Variants in SIDT2 observed in about 807,000 individuals in gnomAD.
The protein encoded by SIDT2 is SID1 transmembrane family member 2.
SIDT2 carries 68 observed loss-of-function variants against 114.4 expected under a neutral mutation model. That is an observed-to-expected ratio of 0.59 (90% confidence interval 0.49 to 0.73). SIDT2 has a LOEUF of 0.73. SIDT2 is among the 30% of genes least tolerant of loss of function. SIDT2 has a pLI of 0.00. For synonymous variants in SIDT2, 470 were observed against 438.4 expected, an observed-to-expected ratio of 1.07 and a Z score of -0.90; for missense variants, 918 against 1,097.1, an observed-to-expected ratio of 0.84 and a Z score of 2.31.
intron 24 of SIDT2, among the ~76,000 whole-genome samples, chr11:117,195,359 G>T (rs2134262882): frequency 1.3e-5 from 2 of 152,276 alleles, no homozygotes; most frequent in East Asian, 3.9e-4. Flanking sequence ...AGTGCCACAG[G>T]TTATGGCTAC....
At chr11:117,182,909 C>A in intron 6 of SIDT2, 103 bp downstream of exon 6, 2 of 1,278,240 alleles carry the variant, frequency 1.6e-6, no homozygotes, top group Non-Finnish European at 2.2e-6. Context: ...ATCCTACACA[C>A]GACTGAGTCT....
Position 117,191,988 on chromosome 11 carries a change from GTCA to G in SIDT2, c.1849_1851del (p.Ile617del). The stretch of plus-strand genomic sequence containing the variant: ...CAGTGCCTACGCCTGCCTGGCCATT[GTCA>G]TCTTCTTCTCTGTGCTGGGCGTGGT... On this transcript the variant is annotated inframe_deletion, in exon 19 of 26. Transcript: ENST00000324225. 6.2e-7 allele frequency: 1 copy of G among 1,614,150 alleles called. No homozygotes were observed. The highest frequency in any genetic ancestry group is 8.5e-7 in the Non-Finnish European group (1 of 1,180,028).
At chr11:117,187,292 C>A in intron 10 of SIDT2, 86 bp from the exon 11 acceptor site, 1 of 1,349,002 alleles carries the variant, frequency 7.4e-7, no homozygotes, top group African/African-American at 1.4e-5. Context: ...CTGTGGCTGT[C>A]TTCTCTGGAC....
At chr11:117,189,693 C>T in intron 15 of SIDT2, 2 of 598,964 alleles carry the variant, frequency 3.3e-6, no homozygotes, top group Admixed American at 3.0e-5. Context: ...TTTCCCTTCC[C>T]TTTTCTCTGT....
chr11:117,183,720 T>C (rs980636015), intron 6 of SIDT2, 59 bp from the exon 7 acceptor site: 20 of 1,191,368 alleles, frequency 1.7e-5, no homozygotes, highest in Non-Finnish European at 2.4e-5. Context: ...AGAACAAGTA[T>C]TTAGAAAAGA....
intron 24 of SIDT2, chr11:117,194,262 A>G (rs1056727595): frequency 1.4e-5 from 4 of 277,414 alleles, no homozygotes; most frequent in Non-Finnish European, 2.7e-5. Context: ...GCAGTGAGCC[A>G]AGATTGCACC....
chr11:117,184,242 G>C, intron 8 of SIDT2, 103 bp downstream of exon 8: 2 of 1,159,524 alleles, frequency 1.7e-6, no homozygotes, highest in East Asian at 2.5e-5. Context: ...TGAGGATGCA[G>C]ATATGCTGGT....
At position 117,181,727 on chromosome 11, in the gene SIDT2, C is replaced by T. The variant is rs964611852; in HGVS notation, c.306-80C>T. ...GGGAGGTGGTGGAGACCAGACGGGGCGAGGTGGGGCCTCGCTCCTCTGGAG... is the reference window on the plus strand; with the variant it reads ...GGGAGGTGGTGGAGACCAGACGGGGTGAGGTGGGGCCTCGCTCCTCTGGAG... On this transcript the variant is annotated intron_variant, in intron 2 of 25. Coordinates refer to ENST00000324225, the MANE Select transcript of SIDT2 (RefSeq NM_001040455.2). 3.8e-4 allele frequency: 607 copies of T among 1,595,468 alleles called. 2 individuals are homozygous for T. The highest frequency in any genetic ancestry group is 1.1e-4 in the African/African-American group (8 of 74,628).
In SIDT2 at chr11:117,188,158, G is replaced by A. The variant is rs772778315; in HGVS notation, c.1159+459G>A. 1 of 370,322 alleles carries A rather than the reference G, an allele frequency of 2.7e-6. No homozygotes were observed. Among genetic ancestry groups the A allele is most frequent in the Non-Finnish European group, 5.3e-6 (1 of 190,036 alleles). 22.9% of individuals were successfully genotyped at this position (370,322 alleles called of 1,614,324 possible). A position where few individuals can be genotyped will look rare whatever the true frequency, so the allele number is the denominator to read the frequency against. On this transcript the variant is annotated intron_variant, in intron 12 of 25. Transcript: ENST00000324225. The surrounding 1 kb of genome is among the most constrained non-coding windows in gnomAD (Gnocchi z 4.0). Reference sequence around the variant, plus strand: ...CTGGCGCCTCCGCTCTCTCCAGGCTGGACAATCTAGTTTATCGTCTGCGTT... The same window carrying A: ...CTGGCGCCTCCGCTCTCTCCAGGCTAGACAATCTAGTTTATCGTCTGCGTT...
Position 117,190,281 on chromosome 11 carries a change from T to G in SIDT2, c.1609T>G (p.Cys537Gly). The G allele has an allele frequency of 6.5e-6, 10 of 1,539,682 alleles. No homozygotes were observed. Among genetic ancestry groups the G allele is most frequent in the African/African-American group, 1.4e-5 (1 of 72,562 alleles). ...CCGGGCCCTGCTGCGCAATGACCTCTGTGCCCTGGTAAGGGAGCACCTGCC... is the reference window on the plus strand; with the variant it reads ...CCGGGCCCTGCTGCGCAATGACCTCGGTGCCCTGGTAAGGGAGCACCTGCC... ...HNRALLRNDL[C>G]ALECGIPKHF... The change falls in exon 17 of 26, where the codon TGT (cysteine) becomes GGT (glycine). Residue 537 changes from cysteine (C) to glycine (G), a missense_variant. Cys to Gly is a radical substitution (Grantham distance 159, BLOSUM62 -3). This residue lies in a region of SIDT2 where 72 missense variants were observed against 59.9 expected (regional missense o/e 1.20). Coordinates refer to ENST00000324225, the MANE Select transcript of SIDT2 (RefSeq NM_001040455.2). The surrounding 1 kb of genome is among the most constrained non-coding windows in gnomAD (Gnocchi z 4.1).
Position 117,179,212 on chromosome 11 carries a change from C to A in SIDT2, c.-52C>A. On this transcript the variant is annotated 5_prime_UTR_variant, in exon 1 of 26. It adds an upstream start codon to the 5' untranslated region. Transcript: ENST00000324225. ...ACCCGTCCCGGAGGTGTCCTGTCTC[C>A]TGTCGCCGCCGCCGCCGCCACCACC... The A allele has an allele frequency of 6.3e-7, 1 of 1,575,406 alleles. No individual in the cohort carries two copies.
chr11:117,186,024 G>A (rs554110798), intron 8 of SIDT2, 106 bp from the exon 9 acceptor site: 4 of 878,920 alleles, frequency 4.6e-6, no homozygotes, highest in Non-Finnish European at 3.7e-6. Context: ...AGGGGAGAAG[G>A]GTGAGAGATT....
intron 15 of SIDT2, chr11:117,189,722 C>T: frequency 1.7e-6 from 1 of 601,768 alleles, no homozygotes; most frequent in Non-Finnish European, 3.0e-6. Flanking sequence ...GCAAGAACTT[C>T]CATCACGGTC....
Position 117,197,259 on chromosome 11 carries a change from G to T in SIDT2, c.*1193G>T, listed in dbSNP as rs2030924090. 6.6e-6 allele frequency: 1 copy of T among 152,610 alleles called. No homozygotes were observed. Among genetic ancestry groups the T allele is most frequent in the Admixed American group, 6.5e-5 (1 of 15,282 alleles). The allele number at this position is 152,610 out of a possible 1,614,324, so 9.5% of individuals were successfully genotyped here. A position where few individuals can be genotyped will look rare whatever the true frequency, so the allele number is the denominator to read the frequency against. ...TCCACCCCAGATGCTGAGGATGGGGGAGCTCAGGCGGGGCCTCTGCTTTGG... is the reference window on the plus strand; with the variant it reads ...TCCACCCCAGATGCTGAGGATGGGGTAGCTCAGGCGGGGCCTCTGCTTTGG... On this transcript the variant is annotated 3_prime_UTR_variant, in exon 26 of 26. Transcript: ENST00000324225.
chr11:117,195,164 A>C (rs1402523436), intron 24 of SIDT2, among the ~76,000 whole-genome samples: 1 of 147,030 alleles, frequency 6.8e-6, no homozygotes, highest in Non-Finnish European at 1.5e-5. Flanking sequence ...CTGTGACCTT[A>C]GTAATGATAC....
In SIDT2 at chr11:117,188,779, G is replaced by A; in HGVS notation, c.1231G>A (p.Asp411Asn). The A allele has an allele frequency of 1.2e-6, 2 of 1,614,148 alleles. No individual in the cohort carries two copies. Among genetic ancestry groups the A allele is most frequent in the Non-Finnish European group, 1.7e-6 (2 of 1,180,024 alleles). ...GAGCTCTGTGGAGGAGGATGACTAC[G>A]ACACATTGACCGACATCGATTCCGA... ...SMSSVEEDDY[D>N]TLTDIDSDKN... The change falls in exon 13 of 26, where the codon GAC becomes AAC. Residue 411 changes from aspartate (D) to asparagine (N), a missense_variant. Transcript: ENST00000324225. This position sits in a 1 kb window ranked among gnomAD's most constrained non-coding sequence, Gnocchi z 4.0.
rs1188569958 is a variant in SIDT2 at position 117,183,115 on chromosome 11, GGGCGGATCACCTGAGATCA to G, written c.702+312_702+330del. Among the ~76,000 whole-genome samples the G allele has an allele frequency of 3.9e-5, 6 of 152,170 alleles. No individual in the cohort carries two copies. In the East Asian group the frequency reaches 1.2e-3, roughly 29 times the overall value. On this transcript the variant is annotated intron_variant, in intron 6 of 25. Coordinates refer to ENST00000324225, the MANE Select transcript of SIDT2 (RefSeq NM_001040455.2). ...TCCCAGCACTTTGGGAGGCCGAGGTGGGCGGATCACCTGAGATCAGGAGTTCAAGACCAGCCTGGCCAAC... is the reference window on the plus strand; with the variant it reads ...TCCCAGCACTTTGGGAGGCCGAGGTGGGAGTTCAAGACCAGCCTGGCCAAC...
At chr11:117,191,796 C>T (rs2030709762) in intron 18 of SIDT2, 82 bp from the exon 19 acceptor site, 1 of 1,561,564 alleles carries the variant, frequency 6.4e-7, no homozygotes, top group Non-Finnish European at 8.7e-7. Flanking sequence ...CTCTCTCTTC[C>T]TCTGGGATTG....
At chr11:117,179,489 C>A (rs746291172) in intron 1 of SIDT2, 43 bp downstream of exon 1, 1 of 1,580,964 alleles carries the variant, frequency 6.3e-7, no homozygotes, top group Non-Finnish European at 8.6e-7. Context: ...GTGGGGAAGC[C>A]GACGAGGGCT....
Sources: gnomAD v4.1 joint callset for allele counts (sites outside exome capture counted in the v4.1 genomes callset) on GRCh38, gnomAD v4.1.1 for gene constraint, gnomAD v4.1.1 regional missense constraint, Gnocchi (gnomAD v3.1) non-coding constraint, MANE v1.5 for transcripts, NCBI Gene and HGNC (gene_info 2026-07-23, HGNC 2026-07-21) for gene names.